RTL4: variants seen among roughly 807,000 people sequenced by gnomAD.
The protein encoded by RTL4 is retrotransposon Gag like 4.
Under a neutral mutation model 5.3 loss-of-function variants are expected in RTL4, and 4 were observed. That is an observed-to-expected ratio of 0.75 (90% CI 0.37 to 1.72). RTL4 has a LOEUF of 1.72. RTL4 is among the 40% of genes most tolerant of loss of function. The pLI is 0.04. For synonymous variants in RTL4, 98 were observed against 87.3 expected (o/e 1.12, Z -0.68); for missense variants, 260 against 227.1 (o/e 1.14, Z -0.93).
chrX:112,393,149 TTTTTTTTTTTTG>T, the RTL4 span, among the ~76,000 whole-genome samples: 2 of 78,560 alleles, frequency 2.5e-5, no homozygotes, highest in East Asian at 3.1e-4. Context: ...CTTTCTTTCT[TTTTTTTTTTTTG>T]TTTTTTTTTT....
the RTL4 span, among the ~76,000 whole-genome samples, chrX:112,133,248 T>TA: frequency 2.6e-3 from 293 of 112,209 alleles, 2 homozygotes; most frequent in Admixed American, 0.025. Context: ...CAAATCTCTT[T>TA]AAAAATTCTT....
chrX:112,123,508 G>A, the RTL4 span, among the ~76,000 whole-genome samples: 1 of 111,839 alleles, frequency 8.9e-6, no homozygotes, highest in Non-Finnish European at 1.9e-5. Context: ...GTAAAGAAGG[G>A]GTCCAGTTTC....
the RTL4 span, among the ~76,000 whole-genome samples, chrX:112,088,587 G>T: frequency 8.9e-6 from 1 of 112,090 alleles, no homozygotes; most frequent in Admixed American, 9.4e-5. Flanking sequence ...GAGAGGAATT[G>T]CTGGATTATG....
chrX:112,098,042 T>C, the RTL4 span, among the ~76,000 whole-genome samples: 98 of 111,223 alleles, frequency 8.8e-4, no homozygotes, highest in Middle Eastern at 4.7e-3. Flanking sequence ...ATGTGCCATG[T>C]TGGTGTGCTG....
chrX:112,214,588 A>G, the RTL4 span, among the ~76,000 whole-genome samples: 1 of 112,068 alleles, frequency 8.9e-6, no homozygotes, highest in Non-Finnish European at 1.9e-5. Flanking sequence ...AGGAACCTCT[A>G]TACTGTTTTC....
At chrX:112,139,533 G>T in the RTL4 span, among the ~76,000 whole-genome samples, 1 of 112,300 alleles carries the variant, frequency 8.9e-6, no homozygotes, top group East Asian at 2.8e-4. Flanking sequence ...GCATTTATCA[G>T]TGTATTTTGC....
the RTL4 span, among the ~76,000 whole-genome samples, chrX:112,255,562 A>T: frequency 9.0e-6 from 1 of 111,711 alleles, no homozygotes; most frequent in Non-Finnish European, 1.9e-5. Context: ...TGAGTCTGGC[A>T]TGTAGTAGGC....
At chrX:112,283,418 G>A in the RTL4 span, among the ~76,000 whole-genome samples, 1 of 111,600 alleles carries the variant, frequency 9.0e-6, no homozygotes, top group Non-Finnish European at 1.9e-5. Flanking sequence ...AAATCTCAGA[G>A]AGAAAGACTG....
chrX:112,308,960 C>G, the RTL4 span, among the ~76,000 whole-genome samples: 1 of 111,564 alleles, frequency 9.0e-6, no homozygotes, highest in African/African-American at 3.3e-5. Flanking sequence ...AGATGCAAAT[C>G]TTCCTGGATT....
the RTL4 span, among the ~76,000 whole-genome samples, chrX:112,203,569 G>A: frequency 9.1e-6 from 1 of 110,400 alleles, no homozygotes; most frequent in Admixed American, 9.7e-5. Flanking sequence ...ATTCATATGG[G>A]TCGATTTCTG....
At chrX:112,306,952 C>T in the RTL4 span, among the ~76,000 whole-genome samples, 5 of 108,282 alleles carry the variant, frequency 4.6e-5, no homozygotes, top group Admixed American at 1.0e-4. Flanking sequence ...CTCTCAGGAT[C>T]TCTGCCTCCC....
At chrX:112,206,962 C>T in the RTL4 span, among the ~76,000 whole-genome samples, 1 of 111,815 alleles carries the variant, frequency 8.9e-6, no homozygotes, top group Non-Finnish European at 1.9e-5. Context: ...TTTCCTCTCA[C>T]AATTCACATG....
the RTL4 span, among the ~76,000 whole-genome samples, chrX:112,406,247 C>A: frequency 4.5e-5 from 5 of 111,885 alleles, no homozygotes; most frequent in Non-Finnish European, 9.4e-5. Context: ...ATATCTGAAA[C>A]TGGATCATTT....
At chrX:112,401,316 A>G in the RTL4 span, among the ~76,000 whole-genome samples, 1 of 111,161 alleles carries the variant, frequency 9.0e-6, no homozygotes, top group African/African-American at 3.3e-5. Context: ...TCTTATCTGT[A>G]CATTTTCCCC....
chrX:112,376,854 C>T, the RTL4 span, among the ~76,000 whole-genome samples: 8 of 112,111 alleles, frequency 7.1e-5, no homozygotes, highest in African/African-American at 2.3e-4. Flanking sequence ...ATTTTCTTGC[C>T]ACAAGCATTG....
At chrX:112,155,962 C>T in the RTL4 span, among the ~76,000 whole-genome samples, 4 of 111,671 alleles carry the variant, frequency 3.6e-5, no homozygotes, top group African/African-American at 1.3e-4. Context: ...TTCTGGATGG[C>T]TCTGGTAGTT....
chrX:112,269,113 A>G, the RTL4 span, among the ~76,000 whole-genome samples: 119 of 112,313 alleles, frequency 1.1e-3, 1 homozygote, highest in African/African-American at 3.6e-3. Flanking sequence ...ACAAATAGCT[A>G]TGAAAGTTGT....
chrX:112,369,713 A>G, the RTL4 span, among the ~76,000 whole-genome samples: 1 of 112,062 alleles, frequency 8.9e-6, no homozygotes, highest in East Asian at 2.8e-4. Flanking sequence ...AGCAGAGCAA[A>G]TCTGACTTAT....
the RTL4 span, among the ~76,000 whole-genome samples, chrX:112,222,725 C>T: frequency 1.0e-4 from 11 of 110,324 alleles, no homozygotes; most frequent in Non-Finnish European, 1.5e-4. Context: ...AGAGCAAGAC[C>T]GTGACTTAAG....
Sources: allele counts gnomAD v4.1 joint callset (sites outside exome capture counted in the v4.1 genomes callset), GRCh38; gene constraint gnomAD v4.1.1; transcripts MANE v1.5; gene names NCBI Gene and HGNC (gene_info 2026-07-23, HGNC 2026-07-21).